Variants in STX12 observed in about 807,000 individuals in gnomAD.
STX12 encodes syntaxin-12.
Under a neutral mutation model 42.2 loss-of-function variants are expected in STX12, and 17 were observed. The ratio of observed to expected loss-of-function variants is 0.40; its 90% CI spans 0.28 to 0.60. The LOEUF is 0.60. Among genes scored for constraint, STX12 ranks in the 20% least tolerant of loss-of-function variants. The probability of loss-of-function intolerance (pLI) is 0.39; values close to 1 mark genes in which losing one functional copy is unlikely to be tolerated. For missense variants in STX12, 297 were observed against 330.9 expected (o/e 0.90, Z 0.79); for synonymous variants, 108 against 116.7 (o/e 0.93, Z 0.48).
intron 6 of STX12, among the ~76,000 whole-genome samples, chr1:27,814,667 G>C (rs531167662): frequency 1.3e-5 from 2 of 152,124 alleles, no homozygotes; most frequent in South Asian, 4.1e-4. Context: ...TGACCAACAT[G>C]GTAAAACCCC....
In STX12 at chr1:27,822,363, C is replaced by G; in HGVS notation, c.*34C>G. The G allele has an allele frequency of 7.3e-7, 1 of 1,373,788 alleles. No homozygotes were observed. The allele number at this position is 1,373,788 out of a possible 1,614,324, so 85.1% of individuals were successfully genotyped here. A position where few individuals can be genotyped will look rare whatever the true frequency, so the allele number is the denominator to read the frequency against. ...GATCGTTCTCCCGCTGAGCTGTTTT[C>G]AAGGGCAAGTGCTTGTTGAAGTCTT... On this transcript the variant is annotated 3_prime_UTR_variant, in exon 9 of 9. Coordinates refer to ENST00000373943, the MANE Select transcript of STX12 (RefSeq NM_177424.3).
intron 4 of STX12, among the ~76,000 whole-genome samples, chr1:27,809,510 G>T (rs1368482396): frequency 2.7e-5 from 4 of 146,902 alleles, no homozygotes; most frequent in Non-Finnish European, 5.9e-5. Flanking sequence ...GTCCAGGCTG[G>T]AGTGCAGTGG....
chr1:27,773,453 G>T, intron 1 of STX12, 28 bp downstream of exon 1: 1 of 1,605,594 alleles, frequency 6.2e-7, no homozygotes, highest in South Asian at 1.1e-5. Context: ...GCTGGGGGGC[G>T]GGAGCTGTCC....
chr1:27,784,324 G>A lies in STX12; in HGVS notation c.119-5238G>A, dbSNP rs117499529. ...CAGCCTCAAACTTCTGGGCTTGAGC[G>A]ATCCTCTTCTCTCAGCCTCTTGAGT... On this transcript the variant is annotated intron_variant, in intron 1 of 8. Transcript: ENST00000373943. 4.1e-4 allele frequency among the ~76,000 whole-genome samples: 63 copies of A among 152,214 alleles called. 1 individual carries two copies. In the East Asian group the frequency reaches 0.011, roughly 28 times the overall value.
At chr1:27,816,428 T>G (rs1377384302) in intron 6 of STX12, among the ~76,000 whole-genome samples, 1 of 151,792 alleles carries the variant, frequency 6.6e-6, no homozygotes, top group African/African-American at 2.4e-5. Flanking sequence ...GAGTTGAGAT[T>G]GTGCCACTGC....
rs189995793 is a variant in STX12, at chr1:27,780,071, A to T, written c.118+6646A>T. ...CTCCCAAAGTGCTGGGATTACAAGC[A>T]TGAGTCACTGCGTCCGCCCTTTGGT... On this transcript the variant is annotated intron_variant, in intron 1 of 8. Transcript: ENST00000373943. Among the ~76,000 whole-genome samples the T allele has an allele frequency of 3.3e-3, 506 of 151,476 alleles. 4 individuals carry two copies. Among genetic ancestry groups the T allele is most frequent in the African/African-American group, 0.012 (478 of 41,344 alleles).
chr1:27,807,986 T>G lies in STX12; in HGVS notation c.427-2260T>G, dbSNP rs549416836. ...AGTTCAAAAACAGGCAAAATGATAT[T>G]GAATAAGAATATAGCTCACTATTCT... On this transcript the variant is annotated intron_variant, in intron 4 of 8. Transcript: ENST00000373943. Among the ~76,000 whole-genome samples, 86 of 152,270 alleles carry G rather than the reference T, an allele frequency of 5.6e-4. 1 individual carries two copies. The highest frequency in any genetic ancestry group is 2.0e-3 in the African/African-American group (83 of 41,542).
intron 1 of STX12, among the ~76,000 whole-genome samples, chr1:27,784,780 C>G (rs1218460897): frequency 6.6e-6 from 1 of 152,020 alleles, no homozygotes; most frequent in Non-Finnish European, 1.5e-5. Flanking sequence ...GTATCTGATA[C>G]CTGAGTCTTG....
chr1:27,807,643 T>G (rs1213233909), intron 4 of STX12, among the ~76,000 whole-genome samples: 1 of 152,218 alleles, frequency 6.6e-6, no homozygotes, highest in Non-Finnish European at 1.5e-5. Context: ...GAAAACATTT[T>G]GGCTGTATCT....
intron 4 of STX12, among the ~76,000 whole-genome samples, chr1:27,806,715 C>T (rs1369466493): frequency 6.6e-6 from 1 of 152,132 alleles, no homozygotes; most frequent in African/African-American, 2.4e-5. Flanking sequence ...AAAGATACTA[C>T]CTGAGACTGG....
intron 6 of STX12, among the ~76,000 whole-genome samples, chr1:27,813,285 C>T (rs542140288): frequency 5.9e-5 from 9 of 152,134 alleles, no homozygotes; most frequent in African/African-American, 1.9e-4. Flanking sequence ...AAGTGATTCT[C>T]CTGCCTCAGC....
In STX12 at chr1:27,822,654, G is replaced by A. The variant is rs930498924; in HGVS notation, c.*325G>A. ...TTTTGACAAATGACACTACAGTCTC[G>A]TAATATTGTCTTTTATGTATATACA... On this transcript the variant is annotated 3_prime_UTR_variant, in exon 9 of 9. Coordinates refer to ENST00000373943, the MANE Select transcript of STX12 (RefSeq NM_177424.3). The A allele has an allele frequency of 5.1e-5, 11 of 217,266 alleles. No homozygotes were observed. The highest frequency in any genetic ancestry group is 4.2e-4 in the Admixed American group (8 of 19,046). 13.5% of individuals were successfully genotyped at this position (217,266 alleles called of 1,614,324 possible).
intron 1 of STX12, among the ~76,000 whole-genome samples, chr1:27,777,669 A>G (rs2088636201): frequency 6.6e-6 from 1 of 151,596 alleles, no homozygotes; most frequent in East Asian, 1.9e-4. Context: ...GGCGGATCAC[A>G]AGGTCAGGAG....
At chr1:27,775,051 T>A (rs2148595159) in intron 1 of STX12, among the ~76,000 whole-genome samples, 1 of 152,292 alleles carries the variant, frequency 6.6e-6, no homozygotes, top group East Asian at 1.9e-4. Flanking sequence ...TATAGTACTG[T>A]TTGTTCCAGT....
At chr1:27,776,094 A>T (rs1481374817) in intron 1 of STX12, among the ~76,000 whole-genome samples, 3 of 152,112 alleles carry the variant, frequency 2.0e-5, no homozygotes, top group Non-Finnish European at 4.4e-5. Flanking sequence ...AAAGGAAAGG[A>T]TAGGAGAGGT....
intron 1 of STX12, 22 bp downstream of exon 1, chr1:27,773,447 G>A (rs868439662): frequency 6.2e-7 from 1 of 1,609,252 alleles, no homozygotes; most frequent in Non-Finnish European, 8.5e-7. Flanking sequence ...TACCGAGCTG[G>A]GGGGCGGGAG....
At chr1:27,777,091 G>A (rs1234823336) in intron 1 of STX12, among the ~76,000 whole-genome samples, 1 of 152,158 alleles carries the variant, frequency 6.6e-6, no homozygotes, top group Non-Finnish European at 1.5e-5. Context: ...TTCTGTGTGC[G>A]GGGGGAGTAT....
At chr1:27,805,855 T>C (rs1478591316) in intron 4 of STX12, among the ~76,000 whole-genome samples, 2 of 152,204 alleles carry the variant, frequency 1.3e-5, no homozygotes, top group Non-Finnish European at 2.9e-5. Context: ...GTTGATACTC[T>C]TCTTTGATAC....
rs533305681 is a variant in STX12 at position 27,814,482 on chromosome 1, C to T, written c.576+2214C>T. On this transcript the variant is annotated intron_variant, in intron 6 of 8. Coordinates refer to ENST00000373943, the MANE Select transcript of STX12 (RefSeq NM_177424.3). ...GATCAAGGCTGCAGTGAGCCATGAT[C>T]GTGCCACTGCAATCCAGCCTGGGCA... Among the ~76,000 whole-genome samples, 8 of 152,200 alleles carry T rather than the reference C, an allele frequency of 5.3e-5. No individual in the cohort carries two copies. In the South Asian group the frequency reaches 1.2e-3, roughly 24 times the overall value.
Sources: gnomAD v4.1 joint callset for allele counts (sites outside exome capture counted in the v4.1 genomes callset) on GRCh38, gnomAD v4.1.1 for gene constraint, MANE v1.5 for transcripts, NCBI Gene and HGNC (gene_info 2026-07-23, HGNC 2026-07-21) for gene names.